FKBP5: variants seen among roughly 807,000 people sequenced by gnomAD.
The protein encoded by FKBP5 is peptidyl-prolyl cis-trans isomerase FKBP5.
Under a neutral mutation model 50.5 loss-of-function variants are expected in FKBP5, and 23 were observed. That is an observed-to-expected ratio of 0.46 (90% confidence interval 0.33 to 0.65). The LOEUF is 0.65. Ranked by LOEUF, FKBP5 falls within the 30% of genes least tolerant of loss-of-function variation. FKBP5 has a pLI of 0.02. For missense variants in FKBP5, 411 were observed against 553.1 expected (o/e 0.74, Z 2.58); for synonymous variants, 176 against 190.6 (o/e 0.92, Z 0.63).
chr6:35,664,216 C>T (rs1379142706), intron 1 of FKBP5, among the ~76,000 whole-genome samples: 1 of 152,030 alleles, frequency 6.6e-6, no homozygotes, highest in Non-Finnish European at 1.5e-5. Flanking sequence ...GTTTTAAAAG[C>T]CAGGGAATAT....
intron 7 of FKBP5, among the ~76,000 whole-genome samples, chr6:35,589,088 ATT>A (rs1345712154): frequency 1.1e-4 from 14 of 125,930 alleles, no homozygotes; most frequent in African/African-American, 4.2e-4. Context: ...TTATATATAT[ATT>A]TTTATATATA....
At chr6:35,640,679 T>C (rs183306858) in intron 2 of FKBP5, among the ~76,000 whole-genome samples, 1 of 152,338 alleles carries the variant, frequency 6.6e-6, no homozygotes, top group East Asian at 1.9e-4. Context: ...ACACAAACAC[T>C]GTACAGCTGT....
At position 35,585,839 on chromosome 6, in the gene FKBP5, C is replaced by G. The variant is rs192134490; in HGVS notation, c.840+1195G>C. The G allele has an allele frequency of 2.2e-5, 22 of 985,368 alleles. No individual in the cohort carries two copies. The East Asian group carries it at 2.4e-3, about 107-fold the overall frequency. The allele number at this position is 985,368 out of a possible 1,614,324, so 61.0% of individuals were successfully genotyped here. On this transcript the variant is annotated intron_variant, in intron 8 of 10. Coordinates refer to ENST00000357266, the MANE Select transcript of FKBP5 (RefSeq NM_004117.4). ...ACCCAATATTGTCTCAGCTCAAATT[C>G]TGAAAACACATGGTGCCCTCTGGCT...
intron 5 of FKBP5, among the ~76,000 whole-genome samples, chr6:35,606,963 C>T (rs999069900): frequency 6.6e-6 from 1 of 152,164 alleles, no homozygotes; most frequent in Non-Finnish European, 1.5e-5. Flanking sequence ...TTTTTTGAGA[C>T]AGAGTCTCAC....
rs888458740 is a variant in FKBP5 at position 35,582,757 on chromosome 6, C to T, written c.841-2536G>A. The T allele has an allele frequency of 6.1e-6, 6 of 985,264 alleles. No individual in the cohort carries two copies. The African/African-American group carries it at 1.0e-4, about 17-fold the overall frequency. The allele number at this position is 985,264 out of a possible 1,614,324, so 61.0% of individuals were successfully genotyped here. A position where few individuals can be genotyped will look rare whatever the true frequency, so the allele number is the denominator to read the frequency against. On this transcript the variant is annotated intron_variant, in intron 8 of 10. Coordinates refer to ENST00000357266, the MANE Select transcript of FKBP5 (RefSeq NM_004117.4). ...CAAAAAAAAAAGAATAAAGTCCTCA[C>T]CAGTTTCAGGTCGGCATTTTCTTTC... is the stretch of plus-strand genomic sequence containing the variant.
At chr6:35,684,777 A>G (rs1444029895) in intron 1 of FKBP5, among the ~76,000 whole-genome samples, 1 of 152,226 alleles carries the variant, frequency 6.6e-6, no homozygotes, top group African/African-American at 2.4e-5. Flanking sequence ...TTATAATCCC[A>G]GCACTTTGGG....
intron 1 of FKBP5, among the ~76,000 whole-genome samples, chr6:35,670,701 C>A (rs1765361663): frequency 1.3e-5 from 2 of 148,190 alleles, no homozygotes; most frequent in Non-Finnish European, 3.0e-5. Flanking sequence ...CACTGCACTC[C>A]AGCCTGGGCA....
chr6:35,671,651 A>G (rs1279841083), intron 1 of FKBP5, among the ~76,000 whole-genome samples: 3 of 152,188 alleles, frequency 2.0e-5, no homozygotes, highest in African/African-American at 7.2e-5. Flanking sequence ...CTAAGAATGA[A>G]GTTAACAGCA....
chr6:35,713,545 A>G (rs944352765), intron 2 of FKBP5, among the ~76,000 whole-genome samples: 2 of 152,228 alleles, frequency 1.3e-5, no homozygotes, highest in Non-Finnish European at 2.9e-5. Flanking sequence ...AGCAAGCAGC[A>G]CAGCTGTGAC....
intron 2 of FKBP5, among the ~76,000 whole-genome samples, chr6:35,699,819 G>A (rs1465930250): frequency 6.6e-6 from 1 of 152,166 alleles, no homozygotes; most frequent in Non-Finnish European, 1.5e-5. Flanking sequence ...GGCCGATGCG[G>A]GCAGATTACC....
chr6:35,574,328 C>G lies in FKBP5; in HGVS notation c.*1507G>C, dbSNP rs1762150662. The G allele has an allele frequency of 6.6e-6, 1 of 152,194 alleles. No individual in the cohort carries two copies. Among genetic ancestry groups the G allele is most frequent in the Non-Finnish European group, 1.5e-5 (1 of 68,024 alleles). The allele number at this position is 152,194 out of a possible 1,614,324, so 9.4% of individuals were successfully genotyped here. A position where few individuals can be genotyped will look rare whatever the true frequency, so the allele number is the denominator to read the frequency against. On this transcript the variant is annotated 3_prime_UTR_variant, in exon 11 of 11. Coordinates refer to ENST00000357266, the MANE Select transcript of FKBP5 (RefSeq NM_004117.4). ...AAATAAAAACTAATTTAAAATATAA[C>G]TGCCAGTGTTTTTTAGGATTTAAAA... is the stretch of plus-strand genomic sequence containing the variant.
intron 1 of FKBP5, among the ~76,000 whole-genome samples, chr6:35,657,128 T>C (rs1764978078): frequency 6.6e-6 from 1 of 151,142 alleles, no homozygotes; most frequent in Admixed American, 6.6e-5. Context: ...GGCAGAAGAA[T>C]GGCGTGAACC....
intron 1 of FKBP5, among the ~76,000 whole-genome samples, chr6:35,659,540 C>A (rs114176739): frequency 0.065 from 5,544 of 84,982 alleles, 2,042 homozygotes; most frequent in African/African-American, 0.19. Context: ...AGCCACCAAG[C>A]CTGGCCGAAT....
Position 35,577,047 on chromosome 6 carries a change from C to T in FKBP5, c.1213G>A (p.Asp405Asn). ...AACATGTTGGCGTATATCCTGCGGTCCCGCTCGTTGTGCTCCTTGGCCTTT... is the reference window on the plus strand; with the variant it reads ...AACATGTTGGCGTATATCCTGCGGTTCCGCTCGTTGTGCTCCTTGGCCTTT... Reference protein sequence around the residue: ...QKKAKEHNERDRRIYANMFKK... With the variant: ...QKKAKEHNERNRRIYANMFKK... The change falls in exon 10 of 11, where the codon GAC becomes AAC. Residue 405 changes from aspartate (D) to asparagine (N), a missense_variant. This residue lies in a region of FKBP5 where 88 missense variants were observed against 89.0 expected (regional missense o/e 0.99). Coordinates refer to ENST00000357266, the MANE Select transcript of FKBP5 (RefSeq NM_004117.4). The T allele has an allele frequency of 6.2e-7, 1 of 1,614,192 alleles. No homozygotes were observed. The highest frequency in any genetic ancestry group is 8.5e-7 in the Non-Finnish European group (1 of 1,180,034).
At chr6:35,590,564 TTCTC>T (rs758311263) in intron 7 of FKBP5, among the ~76,000 whole-genome samples, 17 of 152,044 alleles carry the variant, frequency 1.1e-4, no homozygotes, top group Admixed American at 2.6e-4. Context: ...AACTGACAAA[TTCTC>T]TCTCTTCTCT....
intron 1 of FKBP5, among the ~76,000 whole-genome samples, chr6:35,650,226 A>C (rs948033402): frequency 5.4e-5 from 8 of 149,074 alleles, no homozygotes; most frequent in African/African-American, 2.0e-4. Context: ...GCTACTGGAG[A>C]GGCTGAGGCA....
At chr6:35,710,398 T>C (rs535655111) in intron 2 of FKBP5, among the ~76,000 whole-genome samples, 97 of 151,784 alleles carry the variant, frequency 6.4e-4, no homozygotes, top group African/African-American at 2.3e-3. Context: ...CCCAGGGAGG[T>C]TGAGGCTATA....
intron 4 of FKBP5, among the ~76,000 whole-genome samples, chr6:35,619,518 G>T (rs142502911): frequency 4.5e-4 from 69 of 152,306 alleles, no homozygotes; most frequent in Non-Finnish European, 7.6e-4. Flanking sequence ...CAAGGTGCTG[G>T]TGTAGAACTA....
intron 1 of FKBP5, among the ~76,000 whole-genome samples, chr6:35,682,079 T>C (rs1042200716): frequency 7.8e-6 from 1 of 128,558 alleles, no homozygotes; most frequent in Non-Finnish European, 1.5e-5. Context: ...TAGGTTTCAA[T>C]GAAACACCTT....
Sources: allele counts gnomAD v4.1 joint callset (sites outside exome capture counted in the v4.1 genomes callset), GRCh38; gene constraint gnomAD v4.1.1; regional missense constraint gnomAD v4.1.1; transcripts MANE v1.5; gene names NCBI Gene and HGNC (gene_info 2026-07-23, HGNC 2026-07-21).